Variants in EIF5B observed in about 807,000 individuals in gnomAD.
The protein encoded by EIF5B is eukaryotic translation initiation factor 5B, also known as eIF-5B.
A neutral mutation model predicts 147.5 loss-of-function variants in EIF5B; 47 were observed. That is an observed-to-expected ratio of 0.32 (90% CI 0.25 to 0.41). EIF5B has a LOEUF of 0.41. EIF5B is among the 10% of genes least tolerant of loss of function. The pLI is 1.00. For synonymous variants in EIF5B, 455 were observed against 456.2 expected (o/e 1.00, Z 0.03); for missense variants, 1,064 against 1,413.2 (o/e 0.75, Z 3.96).
chr2:99,400,374 A>C lies in EIF5B; in HGVS notation c.*960A>C, dbSNP rs1158696705. 1 of 152,154 alleles carries C rather than the reference A, an allele frequency of 6.6e-6. No homozygotes were observed. The highest frequency in any genetic ancestry group is 1.5e-5 in the Non-Finnish European group (1 of 68,044). The allele number at this position is 152,154 out of a possible 1,614,324, so 9.4% of individuals were successfully genotyped here. A position where few individuals can be genotyped will look rare whatever the true frequency, so the allele number is the denominator to read the frequency against. On this transcript the variant is annotated 3_prime_UTR_variant, in exon 24 of 24. Coordinates refer to ENST00000289371, the MANE Select transcript of EIF5B (RefSeq NM_015904.4). Reference sequence around the variant, plus strand: ...CTAAATTGTTGCAGACACAAAACTTAATGATTCATTCGTAGTAGTAATCTG... The same window carrying C: ...CTAAATTGTTGCAGACACAAAACTTCATGATTCATTCGTAGTAGTAATCTG...
At chr2:99,377,093 A>G (rs1037460973) in intron 10 of EIF5B, among the ~76,000 whole-genome samples, 3 of 152,056 alleles carry the variant, frequency 2.0e-5, no homozygotes, top group Non-Finnish European at 1.5e-5. Flanking sequence ...TATTTTTCCT[A>G]CTTAATGCAG....
chr2:99,337,671 C>A, intron 1 of EIF5B, 82 bp downstream of exon 1: 1 of 1,501,336 alleles, frequency 6.7e-7, no homozygotes, highest in Non-Finnish European at 9.0e-7. Flanking sequence ...GGCGTCGGAC[C>A]GGGGTCTGGG....
At chr2:99,364,858 G>A (rs139701813) in intron 6 of EIF5B, among the ~76,000 whole-genome samples, 7 of 148,610 alleles carry the variant, frequency 4.7e-5, no homozygotes, top group African/African-American at 1.2e-4. Flanking sequence ...ACATGACCAC[G>A]GTGAAAAAGT....
At chr2:99,356,810 A>G (rs1421560329) in intron 1 of EIF5B, among the ~76,000 whole-genome samples, 1 of 151,614 alleles carries the variant, frequency 6.6e-6, no homozygotes, top group Non-Finnish European at 1.5e-5. Flanking sequence ...GATTTTAGCA[A>G]CTCTGATAGG....
At chr2:99,363,340 TAG>T (rs1674259814) in intron 4 of EIF5B, among the ~76,000 whole-genome samples, 1 of 152,158 alleles carries the variant, frequency 6.6e-6, no homozygotes, top group Non-Finnish European at 1.5e-5. Context: ...ACCATGGATT[TAG>T]AGATACATTA....
Position 99,376,415 on chromosome 2 carries a change from G to A in EIF5B, c.1621G>A (p.Glu541Lys), listed in dbSNP as rs1674564878. ...PEEEEEEEEEEEEDEESEEEE... is the reference protein window; with the variant it reads ...PEEEEEEEEEKEEDEESEEEE... ...AGAGGAGGAGGAGGAGGAAGAAGAG[G>A]AAGAAGAAGATGAAGAAAGTGAAGA... The change falls in exon 10 of 24, where the codon GAA becomes AAA. Residue 541 changes from glutamate (E) to lysine (K), a missense_variant. Glu to Lys is a moderately conservative substitution (Grantham distance 56). Coordinates refer to ENST00000289371, the MANE Select transcript of EIF5B (RefSeq NM_015904.4). 1 of 1,566,932 alleles carries A rather than the reference G, an allele frequency of 6.4e-7. No individual in the cohort carries two copies. The highest frequency in any genetic ancestry group is 1.7e-5 in the Admixed American group (1 of 59,338).
intron 1 of EIF5B, among the ~76,000 whole-genome samples, chr2:99,348,104 A>AT (rs932549979): frequency 7.2e-5 from 11 of 152,172 alleles, no homozygotes; most frequent in Non-Finnish European, 1.6e-4. Context: ...CGTCTACAAG[A>AT]TTTGTATTCT....
chr2:99,337,431 C>T lies in EIF5B; in HGVS notation c.-124C>T, dbSNP rs550981365. The T allele has an allele frequency of 1.1e-4, 133 of 1,240,648 alleles. No individual in the cohort carries two copies. In the Admixed American group the frequency reaches 1.3e-3, roughly 12 times the overall value. The allele number at this position is 1,240,648 out of a possible 1,614,324, so 76.9% of individuals were successfully genotyped here. A position where few individuals can be genotyped will look rare whatever the true frequency, so the allele number is the denominator to read the frequency against. The stretch of plus-strand genomic sequence containing the variant: ...TTCCAGTGCGCGGGTCTGTGGAGAG[C>T]CGGGTGCGAGCGGCGGCAGCACGAG... On this transcript the variant is annotated 5_prime_UTR_variant, in exon 1 of 24. Transcript: ENST00000289371.
At chr2:99,359,568 C>T (rs892949982) in intron 1 of EIF5B, among the ~76,000 whole-genome samples, 1 of 152,092 alleles carries the variant, frequency 6.6e-6, no homozygotes, top group Non-Finnish European at 1.5e-5. Context: ...ATTTGGTTTA[C>T]TCCAAGTAAG....
chr2:99,378,204 G>C (rs1017285980), intron 10 of EIF5B, among the ~76,000 whole-genome samples: 5 of 152,106 alleles, frequency 3.3e-5, no homozygotes, highest in South Asian at 2.1e-4. Context: ...GCAAGTAAAG[G>C]GTTCTTACAG....
intron 14 of EIF5B, among the ~76,000 whole-genome samples, chr2:99,387,862 A>G (rs1674844849): frequency 6.6e-6 from 1 of 152,160 alleles, no homozygotes; most frequent in African/African-American, 2.4e-5. Context: ...TTTTAAATAG[A>G]GACGAGGTCT....
intron 3 of EIF5B, 25 bp downstream of exon 3, chr2:99,360,574 A>G (rs1469649110): frequency 2.5e-6 from 4 of 1,597,378 alleles, no homozygotes; most frequent in Middle Eastern, 1.7e-4. Context: ...TTTGTTACCT[A>G]TTCGTATTTC....
Position 99,369,373 on chromosome 2 carries a change from G to A in EIF5B, c.1388-19G>A. The A allele has an allele frequency of 6.3e-7, 1 of 1,592,396 alleles. No individual in the cohort carries two copies. The highest frequency in any genetic ancestry group is 8.6e-7 in the Non-Finnish European group (1 of 1,168,098). On this transcript the variant is annotated intron_variant, in intron 7 of 23. Coordinates refer to ENST00000289371, the MANE Select transcript of EIF5B (RefSeq NM_015904.4). ...ATACACCAAAAAAAATATTATCTTG[G>A]TTTCTGCCCCTTTTTCAGTGTCTGA...
At chr2:99,393,323 A>T (rs1276543679) in intron 18 of EIF5B, among the ~76,000 whole-genome samples, 1 of 152,204 alleles carries the variant, frequency 6.6e-6, no homozygotes, top group African/African-American at 2.4e-5. Flanking sequence ...AATGCATTTT[A>T]TTCAAATAAA....
intron 1 of EIF5B, among the ~76,000 whole-genome samples, chr2:99,339,224 G>C (rs2094253352): frequency 6.6e-6 from 1 of 151,478 alleles, no homozygotes; most frequent in Non-Finnish European, 1.5e-5. Flanking sequence ...TGTTGGTCAG[G>C]CTGGTCTCGA....
chr2:99,370,666 T>C (rs149803567), intron 8 of EIF5B, among the ~76,000 whole-genome samples: 4 of 152,366 alleles, frequency 2.6e-5, no homozygotes, highest in Non-Finnish European at 5.9e-5. Context: ...TTATGCAGGC[T>C]TGTTAGTAAA....
At chr2:99,370,206 C>T (rs1463048723) in intron 8 of EIF5B, among the ~76,000 whole-genome samples, 1 of 152,000 alleles carries the variant, frequency 6.6e-6, no homozygotes, top group African/African-American at 2.4e-5. Flanking sequence ...ATTCAACTTA[C>T]TCATTGTGGG....
At chr2:99,362,698 C>T (rs1272443829) in intron 4 of EIF5B, among the ~76,000 whole-genome samples, 2 of 151,814 alleles carry the variant, frequency 1.3e-5, no homozygotes, top group African/African-American at 4.8e-5. Flanking sequence ...GACTCTGTCT[C>T]AAAAAACCAA....
intron 17 of EIF5B, among the ~76,000 whole-genome samples, chr2:99,391,065 T>C (rs745640527): frequency 2.0e-5 from 3 of 152,206 alleles, no homozygotes; most frequent in Non-Finnish European, 2.9e-5. Context: ...CCTAATAGCC[T>C]ACCATTGACC....
Sources: allele counts gnomAD v4.1 joint callset (sites outside exome capture counted in the v4.1 genomes callset), GRCh38; gene constraint gnomAD v4.1.1; transcripts MANE v1.5; gene names NCBI Gene and HGNC (gene_info 2026-07-23, HGNC 2026-07-21).